ADAMTS4: variants seen among roughly 807,000 people sequenced by gnomAD.
ADAMTS4 encodes the protein ADAM metallopeptidase with thrombospondin type 1 motif 4.
ADAMTS4 carries 38 observed loss-of-function variants against 66.7 expected under a neutral mutation model. The ratio of observed to expected loss-of-function variants is 0.57; its 90% CI spans 0.44 to 0.75. The LOEUF (loss-of-function observed/expected upper bound fraction) is 0.75, where lower values mean the gene tolerates loss of function less well. ADAMTS4 is among the 30% of genes least tolerant of loss of function. The pLI is 0.00. For missense variants in ADAMTS4, 1,014 were observed against 1,116.7 expected (o/e 0.91, Z 1.31); for synonymous variants, 418 against 461.5 (o/e 0.91, Z 1.21).
Position 161,189,309 on chromosome 1 carries a change from A to C in ADAMTS4, c.*1829T>G, listed in dbSNP as rs558887137. 6 of 152,178 alleles carry C rather than the reference A, an allele frequency of 3.9e-5. No homozygotes were observed. In the East Asian group the frequency reaches 9.7e-4, roughly 25 times the overall value. 9.4% of individuals were successfully genotyped at this position (152,178 alleles called of 1,614,324 possible). A position where few individuals can be genotyped will look rare whatever the true frequency, so the allele number is the denominator to read the frequency against. On this transcript the variant is annotated 3_prime_UTR_variant, in exon 9 of 9. Transcript: ENST00000367996. ...TACCCAACACCACCCAGCTAATAAG[A>C]CGCCGAGCCCCAAATTGAATCCAGA...
In ADAMTS4 at chr1:161,193,431, A is replaced by T. The variant is rs752208999; in HGVS notation, c.1736-43T>A. The T allele has an allele frequency of 6.9e-6, 11 of 1,592,392 alleles. No homozygotes were observed. Among genetic ancestry groups the T allele is most frequent in the Non-Finnish European group, 7.7e-6 (9 of 1,167,786 alleles). On this transcript the variant is annotated intron_variant, in intron 6 of 8. Coordinates refer to ENST00000367996, the MANE Select transcript of ADAMTS4 (RefSeq NM_005099.6). The surrounding 1 kb of genome is among the most constrained non-coding windows in gnomAD (Gnocchi z 4.4). Reference sequence around the variant, plus strand: ...TCAGAGCCCCTCCTTCCTTCCTCACATCACCCCACATCCCTCCACCCAACC... The same window carrying T: ...TCAGAGCCCCTCCTTCCTTCCTCACTTCACCCCACATCCCTCCACCCAACC...
At chr1:161,192,271 G>T in intron 7 of ADAMTS4, 31 bp from the exon 8 acceptor site, 8 of 1,600,850 alleles carry the variant, frequency 5.0e-6, no homozygotes, top group South Asian at 1.1e-5. Flanking sequence ...AATGCTGAAG[G>T]TTCCTCCTAA....
chr1:161,190,900 G>T lies in ADAMTS4; in HGVS notation c.*238C>A. The T allele has an allele frequency of 2.2e-6, 1 of 462,294 alleles. No homozygotes were observed. Among genetic ancestry groups the T allele is most frequent in the Non-Finnish European group, 3.8e-6 (1 of 261,188 alleles). The allele number at this position is 462,294 out of a possible 1,614,324, so 28.6% of individuals were successfully genotyped here. A position where few individuals can be genotyped will look rare whatever the true frequency, so the allele number is the denominator to read the frequency against. On this transcript the variant is annotated 3_prime_UTR_variant, in exon 9 of 9. Transcript: ENST00000367996. ...CTCCTGTGACCCGCAGGGCAGAGGGGGCAGTTTAGATGGAGGGCTGTCTGT... is the reference window on the plus strand; with the variant it reads ...CTCCTGTGACCCGCAGGGCAGAGGGTGCAGTTTAGATGGAGGGCTGTCTGT...
rs1257493294 is a variant in ADAMTS4 at position 161,198,259 on chromosome 1, C to T, written c.369G>A (p.Glu123=). The part of the protein sequence containing the change: ...GQAPELLGGA[E]PGTYLTGTIN... Reference sequence around the variant, plus strand: ...TGGTGCCAGTCAGGTAGGTGCCAGGCTCTGCTCCACCCAGCAGCTCAGGCG... The same window carrying T: ...TGGTGCCAGTCAGGTAGGTGCCAGGTTCTGCTCCACCCAGCAGCTCAGGCG... The change falls in exon 1 of 9, where the codon GAG becomes GAA. Residue 123 remains glutamate, a synonymous_variant. Coordinates refer to ENST00000367996, the MANE Select transcript of ADAMTS4 (RefSeq NM_005099.6). The surrounding 1 kb of genome is among the most constrained non-coding windows in gnomAD (Gnocchi z 4.7). 1.2e-6 allele frequency: 2 copies of T among 1,614,040 alleles called. No individual in the cohort carries two copies. The highest frequency in any genetic ancestry group is 1.3e-5 in the African/African-American group (1 of 75,046).
rs752405036 is a variant in ADAMTS4, at chr1:161,193,353, T to G, written c.1771A>C (p.Asn591His). Residue 591 changes from asparagine (N) to histidine (H), a missense_variant, in exon 7 of 9, where the codon AAC becomes CAC. Transcript: ENST00000367996. The surrounding 1 kb of genome is among the most constrained non-coding windows in gnomAD (Gnocchi z 4.4). ...CTCTTGAAGAGGTCGGTGCGGTGGT[T>G]GTAGGCAGCACACTGCTCCTCGCGG... ...TFREEQCAAY[N>H]HRTDLFKSFP... 2 of 1,613,894 alleles carry G rather than the reference T, an allele frequency of 1.2e-6. No homozygotes were observed. Among genetic ancestry groups the G allele is most frequent in the Non-Finnish European group, 8.5e-7 (1 of 1,179,942 alleles).
chr1:161,197,264 G>C, intron 1 of ADAMTS4: 1 of 196,610 alleles, frequency 5.1e-6, no homozygotes, highest in Non-Finnish European at 1.0e-5. Context: ...CAACGTGTCT[G>C]CCCTGTGTGG....
chr1:161,191,683 G>A lies in ADAMTS4; in HGVS notation c.2088-119C>T, dbSNP rs1664687173. 8.4e-6 allele frequency: 9 copies of A among 1,073,964 alleles called. No individual in the cohort carries two copies. In the South Asian group the frequency reaches 1.4e-4, roughly 16 times the overall value. The allele number at this position is 1,073,964 out of a possible 1,614,324, so 66.5% of individuals were successfully genotyped here. ...GTAGATGGCTGTCACCCAATCCTAT[G>A]TGAGCTGTTCGGTCTGGATCAGAGC... On this transcript the variant is annotated intron_variant, in intron 8 of 8. Coordinates refer to ENST00000367996, the MANE Select transcript of ADAMTS4 (RefSeq NM_005099.6).
Position 161,193,171 on chromosome 1 carries a change from TG to T in ADAMTS4, c.1911+41del. The T allele has an allele frequency of 6.3e-7, 1 of 1,580,956 alleles. No homozygotes were observed. Among genetic ancestry groups the T allele is most frequent in the Non-Finnish European group, 8.6e-7 (1 of 1,160,418 alleles). On this transcript the variant is annotated intron_variant, in intron 7 of 8. Coordinates refer to ENST00000367996, the MANE Select transcript of ADAMTS4 (RefSeq NM_005099.6). This position sits in a 1 kb window ranked among gnomAD's most constrained non-coding sequence, Gnocchi z 4.4. The stretch of plus-strand genomic sequence containing the variant: ...GAAAGCAGAGGGAGCACTGCGGGTG[TG>T]TGTGACCATAGACAGGGCCTGGGGG...
intron 8 of ADAMTS4, among the ~76,000 whole-genome samples, chr1:161,191,765 C>T (rs1179095376): frequency 6.6e-6 from 1 of 152,176 alleles, no homozygotes; most frequent in Non-Finnish European, 1.5e-5. Context: ...CCACTGCCCC[C>T]TTATTGAGTT....
chr1:161,187,918 A>G lies in ADAMTS4; in HGVS notation c.*3220T>C, dbSNP rs1029096814. 1.4e-5 allele frequency: 2 copies of G among 147,632 alleles called. No homozygotes were observed. The highest frequency in any genetic ancestry group is 5.1e-5 in the African/African-American group (2 of 39,418). The allele number at this position is 147,632 out of a possible 1,614,324, so 9.1% of individuals were successfully genotyped here. ...ACCCTTGCCCATCCCTGTTCCATCC[A>G]TGACACATAGAGGACTGCCCAAGTT... On this transcript the variant is annotated 3_prime_UTR_variant, in exon 9 of 9. Transcript: ENST00000367996.
rs1385891552 is a variant in ADAMTS4, at chr1:161,184,534, T to C, written c.*6604A>G. On this transcript the variant is annotated 3_prime_UTR_variant, in exon 9 of 9. Coordinates refer to ENST00000367996, the MANE Select transcript of ADAMTS4 (RefSeq NM_005099.6). ...AATTTGACTCCAAAAATCCATGTCC[T>C]TTCCACATGCTGTGGAATGTTTACA... The C allele has an allele frequency of 6.6e-6, 1 of 152,262 alleles. No homozygotes were observed. Among genetic ancestry groups the C allele is most frequent in the African/African-American group, 2.4e-5 (1 of 41,466 alleles). 9.4% of individuals were successfully genotyped at this position (152,262 alleles called of 1,614,324 possible).
rs774531559 is a variant in ADAMTS4 at position 161,195,497 on chromosome 1, C to T, written c.1229G>A (p.Arg410His). The T allele has an allele frequency of 6.8e-6, 11 of 1,612,142 alleles. No individual in the cohort carries two copies. The highest frequency in any genetic ancestry group is 4.5e-5 in the East Asian group (2 of 44,788). Residue 410 changes from arginine to histidine, a missense_variant, in exon 4 of 9, where the codon CGC becomes CAC. Arg to His is a conservative substitution (Grantham distance 29, BLOSUM62 0). Coordinates refer to ENST00000367996, the MANE Select transcript of ADAMTS4 (RefSeq NM_005099.6). ...PEEPWSPCSA[R>H]FITDFLDNGY... The stretch of plus-strand genomic sequence containing the variant: ...ATTGTCCAGGAAGTCAGTGATGAAG[C>T]GGGCACTGCAGGGGGACCAGGGCTC...
chr1:161,195,678 C>T (rs146815411), intron 3 of ADAMTS4, 43 bp from the exon 4 acceptor site: 1 of 1,561,350 alleles, frequency 6.4e-7, no homozygotes, highest in East Asian at 2.3e-5. Flanking sequence ...GGTCCCTTCC[C>T]CATGCCCTGA....
At chr1:161,192,458 C>T (rs1446696606) in intron 7 of ADAMTS4, among the ~76,000 whole-genome samples, 1 of 151,952 alleles carries the variant, frequency 6.6e-6, no homozygotes, top group South Asian at 2.1e-4. Context: ...TTTCAGAGCA[C>T]TGAGTATGAA....
rs555098078 is a variant in ADAMTS4, at chr1:161,193,724, C to G, written c.1651G>C (p.Val551Leu). The G allele has an allele frequency of 4.5e-5, 72 of 1,614,126 alleles. 1 individual carries two copies. The South Asian group carries it at 7.8e-4, about 17-fold the overall frequency. ...QFSSRDCTRP[V>L]PRNGGKYCEG... ...CAGTACTTGCCACCATTCCGGGGGA[C>G]AGGCCTCGTGCAGTCTCGGGAGGAG... The change falls in exon 6 of 9, where the codon GTC becomes CTC. Residue 551 changes from valine to leucine, a missense_variant. Transcript: ENST00000367996. This position sits in a 1 kb window ranked among gnomAD's most constrained non-coding sequence, Gnocchi z 4.4.
chr1:161,191,459 C>A lies in ADAMTS4; in HGVS notation c.2193G>T (p.Leu731=). The A allele has an allele frequency of 6.2e-7, 1 of 1,614,188 alleles. No individual in the cohort carries two copies. Among genetic ancestry groups the A allele is most frequent in the South Asian group, 1.1e-5 (1 of 91,088 alleles). The change falls in exon 9 of 9, where the codon CTG becomes CTT. Residue 731 remains leucine, a synonymous_variant. Coordinates refer to ENST00000367996, the MANE Select transcript of ADAMTS4 (RefSeq NM_005099.6). ...GHRSIYLALK[L]PDGSYALNGE... is the part of the protein sequence containing the mutation. ...CATTGAGGGCATAGGAGCCATCTGG[C>A]AGCTTCAGGGCCAAGTAGATGCTCC...
rs1664503802 is a variant in ADAMTS4 at position 161,184,640 on chromosome 1, AAT to A, written c.*6496_*6497del. ...TTCTCAATGCACGATTAGGTCAATT[AAT>A]ATCTTTTACTCTTCAGATCCATTTT... is the stretch of plus-strand genomic sequence containing the variant. On this transcript the variant is annotated 3_prime_UTR_variant, in exon 9 of 9. Transcript: ENST00000367996. 2 of 152,332 alleles carry A rather than the reference AAT, an allele frequency of 1.3e-5. No individual in the cohort carries two copies. The highest frequency in any genetic ancestry group is 4.1e-4 in the South Asian group (2 of 4,832). The allele number at this position is 152,332 out of a possible 1,614,324, so 9.4% of individuals were successfully genotyped here. A position where few individuals can be genotyped will look rare whatever the true frequency, so the allele number is the denominator to read the frequency against.
Position 161,195,569 on chromosome 1 carries a change from G to A in ADAMTS4, c.1157C>T (p.Thr386Ile). 1.9e-6 allele frequency: 3 copies of A among 1,614,008 alleles called. No homozygotes were observed. Among genetic ancestry groups the A allele is most frequent in the Non-Finnish European group, 2.5e-6 (3 of 1,179,964 alleles). Residue 386 changes from threonine (T) to isoleucine (I), a missense_variant, in exon 4 of 9, where the codon ACC becomes ATC. Physicochemically the swap from Thr to Ile is moderately conservative, Grantham distance 89 (BLOSUM62 -1). Coordinates refer to ENST00000367996, the MANE Select transcript of ADAMTS4 (RefSeq NM_005099.6). ...PCISLNGPLSTSRHVMAPVMA... is the reference protein window; with the variant it reads ...PCISLNGPLSISRHVMAPVMA... ...CACAGGGGCCATGACATGGCGAGAGGTGCTCAAAGGCCCATTCAAACTGAT... is the reference window on the plus strand; with the variant it reads ...CACAGGGGCCATGACATGGCGAGAGATGCTCAAAGGCCCATTCAAACTGAT...
At position 161,196,269 on chromosome 1, in the gene ADAMTS4, C is replaced by T. The variant is rs780594948; in HGVS notation, c.992G>A (p.Gly331Asp). ...LCGVSTCDTL[G>D]MADVGTVCDP... Reference sequence around the variant, plus strand: ...ACAGACGGTGCCCACATCAGCCATACCCAGCGTGTCGCAAGTGGAGACTCC... The same window carrying T: ...ACAGACGGTGCCCACATCAGCCATATCCAGCGTGTCGCAAGTGGAGACTCC... Residue 331 changes from glycine to aspartate, a missense_variant, in exon 3 of 9, where the codon GGT becomes GAT. Gly to Asp is a moderately conservative substitution (Grantham distance 94). Transcript: ENST00000367996. The T allele has an allele frequency of 6.8e-6, 11 of 1,613,560 alleles. No homozygotes were observed. Among genetic ancestry groups the T allele is most frequent in the Non-Finnish European group, 1.7e-6 (2 of 1,179,786 alleles).
Sources: allele counts gnomAD v4.1 joint callset (sites outside exome capture counted in the v4.1 genomes callset), GRCh38; gene constraint gnomAD v4.1.1; non-coding constraint Gnocchi (gnomAD v3.1); transcripts MANE v1.5; gene names NCBI Gene and HGNC (gene_info 2026-07-23, HGNC 2026-07-21).